ZNFX1: variants seen among roughly 807,000 people sequenced by gnomAD.
The protein encoded by ZNFX1 is NFX1-type zinc finger-containing protein 1.
ZNFX1 carries 78 observed loss-of-function variants against 179.8 expected under a neutral mutation model. That is an observed-to-expected ratio of 0.43 (90% CI 0.36 to 0.52). The LOEUF is 0.52. ZNFX1 is among the 20% of genes least tolerant of loss of function. The pLI is 0.00. For synonymous variants in ZNFX1, 848 were observed against 868.5 expected (o/e 0.98, Z 0.42); for missense variants, 1,927 against 2,386.6 (o/e 0.81, Z 4.01).
rs751435592 is a variant in ZNFX1 at position 49,248,067 on chromosome 20, A to G, written c.4957T>C (p.Ser1653Pro). ...TGGCTGGTTGCTATTTCCCCTGCTG[A>G]GCCCTGGATCTTTTCCTTGATGATT... ...IEIIKEKIQGSAGEIATSQER... is the reference protein window; with the variant it reads ...IEIIKEKIQGPAGEIATSQER... The change falls in exon 14 of 14, where the codon TCA becomes CCA. Residue 1653 changes from serine (S) to proline (P), a missense_variant. Ser to Pro is a moderately conservative substitution (Grantham distance 74). Coordinates refer to ENST00000396105, the MANE Select transcript of ZNFX1 (RefSeq NM_021035.3). This position sits in a 1 kb window ranked among gnomAD's most constrained non-coding sequence, Gnocchi z 4.6. The G allele has an allele frequency of 7.4e-6, 12 of 1,614,110 alleles. No homozygotes were observed. Among genetic ancestry groups the G allele is most frequent in the South Asian group, 2.2e-5 (2 of 91,084 alleles).
In ZNFX1 at chr20:49,264,396, C is replaced by A. The variant is rs537009893; in HGVS notation, c.2151+320G>T. On this transcript the variant is annotated intron_variant, in intron 5 of 13. Transcript: ENST00000396105. The stretch of plus-strand genomic sequence containing the variant: ...TAGTAATAAGAACTCAGATTTTTGA[C>A]TGGGCACATTGCTGCCCAGCTAAAA... 2.0e-5 allele frequency among the ~76,000 whole-genome samples: 3 copies of A among 152,276 alleles called. No homozygotes were observed. In the South Asian group the frequency reaches 6.2e-4, roughly 32 times the overall value.
Position 49,275,632 on chromosome 20 carries a change from T to A in ZNFX1, c.61+147A>T, listed in dbSNP as rs1376563214. 5 of 766,224 alleles carry A rather than the reference T, an allele frequency of 6.5e-6. No homozygotes were observed. The African/African-American group carries it at 8.7e-5, about 13-fold the overall frequency. 47.5% of individuals were successfully genotyped at this position (766,224 alleles called of 1,614,324 possible). A position where few individuals can be genotyped will look rare whatever the true frequency, so the allele number is the denominator to read the frequency against. On this transcript the variant is annotated intron_variant, in intron 2 of 13. Transcript: ENST00000396105. Reference sequence around the variant, plus strand: ...TCAGGCTCCCAAAATGCTAGGATTATAGGCTTGAGCCACTGCATCCAGCCA... The same window carrying A: ...TCAGGCTCCCAAAATGCTAGGATTAAAGGCTTGAGCCACTGCATCCAGCCA...
intron 8 of ZNFX1, 139 bp downstream of exon 8, chr20:49,257,278 C>A: frequency 8.2e-7 from 1 of 1,225,948 alleles, no homozygotes; most frequent in Non-Finnish European, 1.1e-6. Context: ...TCACTAAAGC[C>A]ATCTCATACC....
At chr20:49,252,615 T>C in intron 12 of ZNFX1, 105 bp downstream of exon 12, 1 of 702,194 alleles carries the variant, frequency 1.4e-6, no homozygotes, top group Non-Finnish European at 2.5e-6. Context: ...GTCATTTCAG[T>C]ATTAAATTAT....
In ZNFX1 at chr20:49,256,006, C is replaced by T. The variant is rs755915556; in HGVS notation, c.2665-59G>A. The T allele has an allele frequency of 6.9e-6, 11 of 1,592,732 alleles. No homozygotes were observed. In the Admixed American group the frequency reaches 1.9e-4, roughly 28 times the overall value. On this transcript the variant is annotated intron_variant, in intron 8 of 13. Coordinates refer to ENST00000396105, the MANE Select transcript of ZNFX1 (RefSeq NM_021035.3). ...GAGCAGAGGCAGGCTTGGTTTTAAG[C>T]CCAAGGCAGGGGTCACAGCACGTAA...
At chr20:49,258,491 A>G (rs1005200187) in intron 7 of ZNFX1, among the ~76,000 whole-genome samples, 1 of 152,218 alleles carries the variant, frequency 6.6e-6, no homozygotes, top group African/African-American at 2.4e-5. Context: ...ACGTTAAAAA[A>G]TCATACGAAT....
chr20:49,249,743 G>T, intron 13 of ZNFX1, 32 bp from the exon 14 acceptor site: 1 of 1,579,196 alleles, frequency 6.3e-7, no homozygotes, highest in Non-Finnish European at 8.6e-7. Context: ...ATGTTAAAAG[G>T]TTCACTCATG....
In ZNFX1 at chr20:49,247,466, T is replaced by C. The variant is rs750655445; in HGVS notation, c.5558A>G (p.His1853Arg). The change falls in exon 14 of 14, where the codon CAT (histidine) becomes CGT (arginine). Residue 1853 changes from histidine to arginine, a missense_variant. By Grantham distance (29) the His-to-Arg change is conservative. Transcript: ENST00000396105. ...CCCACAATCGCCAATCACATAGATA[T>C]GGCCATTGCGGCACTTGAACCAGTG... ...RGHWFKCRNG[H>R]IYVIGDCGGA... 7 of 1,614,206 alleles carry C rather than the reference T, an allele frequency of 4.3e-6. No homozygotes were observed. The highest frequency in any genetic ancestry group is 5.1e-6 in the Non-Finnish European group (6 of 1,180,034).
chr20:49,272,505 G>A (rs1981440780), intron 2 of ZNFX1, among the ~76,000 whole-genome samples: 1 of 152,110 alleles, frequency 6.6e-6, no homozygotes, highest in Admixed American at 6.6e-5. Context: ...AAGATTAAAT[G>A]TTTATAAAGT....
In ZNFX1 at chr20:49,247,259, C is replaced by T; in HGVS notation, c.*8G>A. 6.3e-7 allele frequency: 1 copy of T among 1,593,230 alleles called. No individual in the cohort carries two copies. The highest frequency in any genetic ancestry group is 8.6e-7 in the Non-Finnish European group (1 of 1,167,326). ...GGCGAGGGCAAAAGGCAGTGGTGTACCATCTTCCTACATCATCCCCTGGAT... is the reference window on the plus strand; with the variant it reads ...GGCGAGGGCAAAAGGCAGTGGTGTATCATCTTCCTACATCATCCCCTGGAT... On this transcript the variant is annotated 3_prime_UTR_variant, in exon 14 of 14. Coordinates refer to ENST00000396105, the MANE Select transcript of ZNFX1 (RefSeq NM_021035.3).
In ZNFX1 at chr20:49,252,788, T is replaced by C; in HGVS notation, c.3148A>G (p.Asn1050Asp). 6.2e-7 allele frequency: 1 copy of C among 1,614,084 alleles called. No individual in the cohort carries two copies. The highest frequency in any genetic ancestry group is 1.1e-5 in the South Asian group (1 of 91,072). ...CGTTCAAAAAGGGACACCTCAAGGT[T>C]GAAGTTCTTGGCCAGATCATACACG... ...ANVYDLAKNF[N>D]LEVSLFERLV... The change falls in exon 12 of 14, where the codon AAC (asparagine) becomes GAC (aspartate). Residue 1050 changes from asparagine to aspartate, a missense_variant. Transcript: ENST00000396105.
Position 49,247,627 on chromosome 20 carries a change from A to C in ZNFX1, c.5397T>G (p.Cys1799Trp). ...YSVQNILEKT[C>W]KFTQEDEQLV... is the part of the protein sequence containing the mutation. ...GTTGTTCATCCTCTTGGGTGAACTT[A>C]CATGTTTTCTCAAGGATATTCTGGA... Residue 1799 changes from cysteine (C) to tryptophan (W), a missense_variant, in exon 14 of 14, where the codon TGT becomes TGG. By Grantham distance (215) the Cys-to-Trp change is radical. Transcript: ENST00000396105. The C allele has an allele frequency of 6.2e-7, 1 of 1,614,202 alleles. No individual in the cohort carries two copies. Among genetic ancestry groups the C allele is most frequent in the Non-Finnish European group, 8.5e-7 (1 of 1,180,038 alleles).
chr20:49,271,220 T>G lies in ZNFX1; in HGVS notation c.592A>C (p.Lys198Gln), dbSNP rs771814229. ...CQVLRKACSS[K>Q]MDRQSVLHVL... Reference sequence around the variant, plus strand: ...TGGAGAACACTCTGGCGATCCATTTTGGAGCTACAAGCCTTCCGAAGAACC... The same window carrying G: ...TGGAGAACACTCTGGCGATCCATTTGGGAGCTACAAGCCTTCCGAAGAACC... The change falls in exon 3 of 14, where the codon AAA (lysine) becomes CAA (glutamine). Residue 198 changes from lysine to glutamine, a missense_variant. Coordinates refer to ENST00000396105, the MANE Select transcript of ZNFX1 (RefSeq NM_021035.3). 1.2e-6 allele frequency: 2 copies of G among 1,614,180 alleles called. No homozygotes were observed. The highest frequency in any genetic ancestry group is 8.5e-7 in the Non-Finnish European group (1 of 1,180,026).
intron 4 of ZNFX1, 93 bp from the exon 5 acceptor site, chr20:49,264,957 C>T: frequency 1.3e-6 from 2 of 1,549,088 alleles, no homozygotes; most frequent in Non-Finnish European, 1.8e-6. Flanking sequence ...CTAGTCTGGT[C>T]CCTTAGAGAA....
rs1350492965 is a variant in ZNFX1 at position 49,252,810 on chromosome 20, C to T, written c.3126G>A (p.Val1042=). 5.6e-6 allele frequency: 9 copies of T among 1,613,962 alleles called. No homozygotes were observed. Among genetic ancestry groups the T allele is most frequent in the Non-Finnish European group, 4.2e-6 (5 of 1,179,984 alleles). Residue 1042 remains valine, a synonymous_variant, in exon 12 of 14, where the codon GTG becomes GTA. Transcript: ENST00000396105. ...DHQQLRPSAN[V]YDLAKNFNLE... The stretch of plus-strand genomic sequence containing the variant: ...GGTTGAAGTTCTTGGCCAGATCATA[C>T]ACGTTGGCACTGGGGCGCAGCTGAG...
At chr20:49,267,404 A>T (rs1374314691) in intron 3 of ZNFX1, among the ~76,000 whole-genome samples, 1 of 151,732 alleles carries the variant, frequency 6.6e-6, no homozygotes, top group Non-Finnish European at 1.5e-5. Flanking sequence ...TTTTCAAGGG[A>T]TCCTCCCATC....
chr20:49,265,549 T>C (rs1981215139), intron 4 of ZNFX1, among the ~76,000 whole-genome samples: 1 of 152,182 alleles, frequency 6.6e-6, no homozygotes, highest in African/African-American at 2.4e-5. Context: ...AAGATTTATC[T>C]AGGTGAAAGG....
At chr20:49,254,758 A>T in intron 9 of ZNFX1, 109 bp from the exon 10 acceptor site, 1 of 1,186,762 alleles carries the variant, frequency 8.4e-7, no homozygotes, top group South Asian at 1.5e-5. Flanking sequence ...CCCTTGGAGC[A>T]TAGTGACAAA....
chr20:49,266,199 G>A lies in ZNFX1; in HGVS notation c.1938C>T (p.Ser646=), dbSNP rs1338876093. ...CAACCAAGATGGGGAACTTCTGGAG[G>A]CTAATTTGCCAAACAGACTCGTTGG... is the stretch of plus-strand genomic sequence containing the variant. The part of the protein sequence containing the change: ...LLTNESVWQI[S]LQKFPILVVC... Residue 646 remains serine, a synonymous_variant, in exon 4 of 14, where the codon AGC becomes AGT. Transcript: ENST00000396105. 6.2e-7 allele frequency: 1 copy of A among 1,613,028 alleles called. No individual in the cohort carries two copies. Among genetic ancestry groups the A allele is most frequent in the African/African-American group, 1.3e-5 (1 of 74,864 alleles).
Sources: gnomAD v4.1 joint callset for allele counts (sites outside exome capture counted in the v4.1 genomes callset) on GRCh38, gnomAD v4.1.1 for gene constraint, Gnocchi (gnomAD v3.1) non-coding constraint, MANE v1.5 for transcripts, NCBI Gene and HGNC (gene_info 2026-07-23, HGNC 2026-07-21) for gene names.